Variants in ATXN10 observed in about 807,000 individuals in gnomAD.
The protein encoded by ATXN10 is ataxin-10.
A neutral mutation model predicts 52.9 loss-of-function variants in ATXN10; 28 were observed. The ratio of observed to expected loss-of-function variants is 0.53; its 90% CI spans 0.39 to 0.73. The LOEUF is 0.73. Ranked by LOEUF, ATXN10 falls within the 30% of genes least tolerant of loss-of-function variation. The pLI, the probability that ATXN10 is intolerant of heterozygous loss-of-function variation, is 0.00. For synonymous variants in ATXN10, 226 were observed against 221.5 expected, an observed-to-expected ratio of 1.02 and a Z score of -0.18; for missense variants, 565 against 577.0, an observed-to-expected ratio of 0.98 and a Z score of 0.21.
intron 9 of ATXN10, among the ~76,000 whole-genome samples, chr22:45,767,914 A>G (rs1044333905): frequency 1.3e-5 from 2 of 152,234 alleles, no homozygotes; most frequent in African/African-American, 4.8e-5. Context: ...GTGTATGTGT[A>G]CACACTGTTT....
Position 45,844,714 on chromosome 22 carries a change from A to G in ATXN10, c.*1043A>G, listed in dbSNP as rs1929454686. On this transcript the variant is annotated 3_prime_UTR_variant, in exon 12 of 12. Transcript: ENST00000252934. ...AGGTCACGTTGTGAATGCTTAAAAC[A>G]TATTATTTTCTTCAACAACCATATC... is the stretch of plus-strand genomic sequence containing the variant. 1 of 152,228 alleles carries G rather than the reference A, an allele frequency of 6.6e-6. No individual in the cohort carries two copies. The highest frequency in any genetic ancestry group is 2.4e-5 in the African/African-American group (1 of 41,452). The allele number at this position is 152,228 out of a possible 1,614,324, so 9.4% of individuals were successfully genotyped here.
intron 9 of ATXN10, among the ~76,000 whole-genome samples, chr22:45,776,822 A>C (rs930051064): frequency 1.2e-4 from 19 of 152,282 alleles, no homozygotes; most frequent in African/African-American, 4.6e-4. Context: ...AAGCATTGGT[A>C]TTCTAATTAA....
rs1569046306 is a variant in ATXN10 at position 45,744,788 on chromosome 22, T to C, written c.1173+4250T>C. 2.6e-5 allele frequency: 4 copies of C among 152,342 alleles called. No homozygotes were observed. In the East Asian group the frequency reaches 5.8e-4, roughly 22 times the overall value. 9.4% of individuals were successfully genotyped at this position (152,342 alleles called of 1,614,324 possible). A position where few individuals can be genotyped will look rare whatever the true frequency, so the allele number is the denominator to read the frequency against. On this transcript the variant is annotated intron_variant, in intron 9 of 11. Transcript: ENST00000252934. The surrounding 1 kb of genome is among the most constrained non-coding windows in gnomAD (Gnocchi z 4.9). ...GGATGGTCATCTTTCTTTGAGATAC[T>C]TGTCTTTGGGCAAGATTTAAGAGAA... is the stretch of plus-strand genomic sequence containing the variant.
In ATXN10 at chr22:45,769,558, A is replaced by G. The variant is rs1926703587; in HGVS notation, c.1173+29020A>G. On this transcript the variant is annotated intron_variant, in intron 9 of 11. Transcript: ENST00000252934. The surrounding 1 kb of genome is among the most constrained non-coding windows in gnomAD (Gnocchi z 4.2). ...GCGATGAAGAGACTATTTCAAAGGA[A>G]TGAATTACACCAGCAGAGGTACAGA... Among the ~76,000 whole-genome samples, 2 of 152,160 alleles carry G rather than the reference A, an allele frequency of 1.3e-5. No individual in the cohort carries two copies. The highest frequency in any genetic ancestry group is 6.5e-5 in the Admixed American group (1 of 15,280).
rs553678584 is a variant in ATXN10 at position 45,788,146 on chromosome 22, T to C, written c.1174-18813T>C. ...TATGCAGATGACAGCAGAATGCCTG[T>C]TGAGCCCAGACATGTCCCTGGGGCT... On this transcript the variant is annotated intron_variant, in intron 9 of 11. Coordinates refer to ENST00000252934, the MANE Select transcript of ATXN10 (RefSeq NM_013236.4). Among the ~76,000 whole-genome samples the C allele has an allele frequency of 2.0e-4, 31 of 152,310 alleles. 1 individual carries two copies. In the South Asian group the frequency reaches 6.4e-3, roughly 32 times the overall value.
In ATXN10 at chr22:45,837,303, A is replaced by T. The variant is rs1023461999; in HGVS notation, c.1238-5688A>T. Reference sequence around the variant, plus strand: ...GAGACAGAGTCTTGCTCTGTCGCCCAGGCTGCAGTGCAGTGGCGCAATCTC... The same window carrying T: ...GAGACAGAGTCTTGCTCTGTCGCCCTGGCTGCAGTGCAGTGGCGCAATCTC... On this transcript the variant is annotated intron_variant, in intron 10 of 11. Coordinates refer to ENST00000252934, the MANE Select transcript of ATXN10 (RefSeq NM_013236.4). The surrounding 1 kb of genome is among the most constrained non-coding windows in gnomAD (Gnocchi z 5.8). Among the ~76,000 whole-genome samples the T allele has an allele frequency of 6.6e-6, 1 of 152,140 alleles. No individual in the cohort carries two copies. Among genetic ancestry groups the T allele is most frequent in the Admixed American group, 6.5e-5 (1 of 15,280 alleles).
chr22:45,723,646 G>C (rs190198879), intron 6 of ATXN10, among the ~76,000 whole-genome samples: 1 of 152,224 alleles, frequency 6.6e-6, no homozygotes, highest in Admixed American at 6.5e-5. Context: ...TTCCATTTCT[G>C]AGTTCTTCAC....
chr22:45,729,279 T>G lies in ATXN10; in HGVS notation c.729-146T>G, dbSNP rs532419065. 1.1e-5 allele frequency: 9 copies of G among 785,130 alleles called. No homozygotes were observed. In the East Asian group the frequency reaches 2.4e-4, roughly 21 times the overall value. 48.6% of individuals were successfully genotyped at this position (785,130 alleles called of 1,614,324 possible). ...ATAGGTGATTGATGAAGATTAACTT[T>G]ATTCATGTTTTTCCTAGCTAGACAT... On this transcript the variant is annotated intron_variant, in intron 6 of 11. Transcript: ENST00000252934.
rs1926580989 is a variant in ATXN10, at chr22:45,766,355, C to G, written c.1173+25817C>G. ...GCGAGGGATCTAGGTTGCAAGCTGTCTATGAGAATCTAATGCCTAATGATC... is the reference window on the plus strand; with the variant it reads ...GCGAGGGATCTAGGTTGCAAGCTGTGTATGAGAATCTAATGCCTAATGATC... On this transcript the variant is annotated intron_variant, in intron 9 of 11. Transcript: ENST00000252934. This position sits in a 1 kb window ranked among gnomAD's most constrained non-coding sequence, Gnocchi z 4.6. Among the ~76,000 whole-genome samples the G allele has an allele frequency of 6.6e-6, 1 of 152,122 alleles. No homozygotes were observed. Among genetic ancestry groups the G allele is most frequent in the African/African-American group, 2.4e-5 (1 of 41,436 alleles).
At position 45,696,292 on chromosome 22, in the gene ATXN10, T is replaced by C. The variant is rs2146746557; in HGVS notation, c.391+3214T>C. On this transcript the variant is annotated intron_variant, in intron 3 of 11. Coordinates refer to ENST00000252934, the MANE Select transcript of ATXN10 (RefSeq NM_013236.4). This position sits in a 1 kb window ranked among gnomAD's most constrained non-coding sequence, Gnocchi z 4.7. ...ACTTGGAAGGGCAGCTATTTTGAGGTCTCTGTGTGGTATAGTAATTGAGAA... is the reference window on the plus strand; with the variant it reads ...ACTTGGAAGGGCAGCTATTTTGAGGCCTCTGTGTGGTATAGTAATTGAGAA... 6.6e-6 allele frequency among the ~76,000 whole-genome samples: 1 copy of C among 152,336 alleles called. No homozygotes were observed. The highest frequency in any genetic ancestry group is 2.4e-5 in the African/African-American group (1 of 41,580).
chr22:45,762,248 G>A lies in ATXN10; in HGVS notation c.1173+21710G>A, dbSNP rs1219495024. ...TTTGTCTGTTTCCCCTGACCAGCGT[G>A]CGTTTCTTTCTGGAGGCGCAGGGAC... On this transcript the variant is annotated intron_variant, in intron 9 of 11. Coordinates refer to ENST00000252934, the MANE Select transcript of ATXN10 (RefSeq NM_013236.4). The surrounding 1 kb of genome is among the most constrained non-coding windows in gnomAD (Gnocchi z 4.3). Among the ~76,000 whole-genome samples, 1 of 152,184 alleles carries A rather than the reference G, an allele frequency of 6.6e-6. No individual in the cohort carries two copies. The highest frequency in any genetic ancestry group is 2.4e-5 in the African/African-American group (1 of 41,460).
intron 9 of ATXN10, among the ~76,000 whole-genome samples, chr22:45,798,868 C>G (rs965228915): frequency 1.3e-5 from 2 of 151,976 alleles, no homozygotes; most frequent in African/African-American, 4.8e-5. Flanking sequence ...AATTTAAATG[C>G]CACATACAAT....
Position 45,824,968 on chromosome 22 carries a change from CAAG to C in ATXN10, c.1237+17950_1237+17952del, listed in dbSNP as rs1448151395. On this transcript the variant is annotated intron_variant, in intron 10 of 11. Transcript: ENST00000252934. This position sits in a 1 kb window ranked among gnomAD's most constrained non-coding sequence, Gnocchi z 5.2. ...GTCCACTGAAGTCTTGCAATGTCCACAAGAAGGCTTGAATGGTAAAGTGGAGTT... is the reference window on the plus strand; with the variant it reads ...GTCCACTGAAGTCTTGCAATGTCCACAAGGCTTGAATGGTAAAGTGGAGTT... Among the ~76,000 whole-genome samples, 2 of 152,230 alleles carry C rather than the reference CAAG, an allele frequency of 1.3e-5. No individual in the cohort carries two copies. The highest frequency in any genetic ancestry group is 2.9e-5 in the Non-Finnish European group (2 of 68,042).
chr22:45,752,413 A>T (rs981227203), intron 9 of ATXN10, among the ~76,000 whole-genome samples: 1 of 152,212 alleles, frequency 6.6e-6, no homozygotes, highest in Non-Finnish European at 1.5e-5. Flanking sequence ...CTTCAGGAAG[A>T]ACCTCCTGGA....
chr22:45,681,710 C>T lies in ATXN10; in HGVS notation c.117-8002C>T, dbSNP rs953823754. ...GCCGTGCAGACTGCTCTCACTTTAA[C>T]TTGCTGATCACTAACTAACGTGGCC... is the stretch of plus-strand genomic sequence containing the variant. On this transcript the variant is annotated intron_variant, in intron 1 of 11. Coordinates refer to ENST00000252934, the MANE Select transcript of ATXN10 (RefSeq NM_013236.4). This position sits in a 1 kb window ranked among gnomAD's most constrained non-coding sequence, Gnocchi z 4.2. 4.6e-5 allele frequency among the ~76,000 whole-genome samples: 7 copies of T among 152,214 alleles called. No individual in the cohort carries two copies. The highest frequency in any genetic ancestry group is 8.8e-5 in the Non-Finnish European group (6 of 68,046).
rs1207410914 is a variant in ATXN10, at chr22:45,774,172, G to T, written c.1174-32787G>T. Among the ~76,000 whole-genome samples, 1 of 152,226 alleles carries T rather than the reference G, an allele frequency of 6.6e-6. No homozygotes were observed. The highest frequency in any genetic ancestry group is 2.4e-5 in the African/African-American group (1 of 41,462). ...GACAGCCTGCTAATGTCTGGGGGTG[G>T]CCCTGCCTTAGTAGGCATGGTGGGG... is the stretch of plus-strand genomic sequence containing the variant. On this transcript the variant is annotated intron_variant, in intron 9 of 11. Coordinates refer to ENST00000252934, the MANE Select transcript of ATXN10 (RefSeq NM_013236.4). The surrounding 1 kb of genome is among the most constrained non-coding windows in gnomAD (Gnocchi z 6.2).
rs11703572 is a variant in ATXN10 at position 45,728,832 on chromosome 22, A to G, written c.729-593A>G. 0.099 allele frequency among the ~76,000 whole-genome samples: 15,071 copies of G among 152,236 alleles called. 872 individuals carry two copies. The highest frequency in any genetic ancestry group is 0.17 in the Middle Eastern group (49 of 294). On this transcript the variant is annotated intron_variant, in intron 6 of 11. Transcript: ENST00000252934. This position sits in a 1 kb window ranked among gnomAD's most constrained non-coding sequence, Gnocchi z 4.3. Reference sequence around the variant, plus strand: ...ATTTGTGTTTGTGTAAACTAAAATAAATAGTAAAGTTTCACAGTAAAGACT... The same window carrying G: ...ATTTGTGTTTGTGTAAACTAAAATAGATAGTAAAGTTTCACAGTAAAGACT...
rs1332748284 is a variant in ATXN10 at position 45,842,771 on chromosome 22, A to G, written c.1238-220A>G. ...CTCTGGGTGCCCGTGGCTGGACATCACACACACATGCTGGATGTACATGTG... is the reference window on the plus strand; with the variant it reads ...CTCTGGGTGCCCGTGGCTGGACATCGCACACACATGCTGGATGTACATGTG... On this transcript the variant is annotated intron_variant, in intron 10 of 11. Transcript: ENST00000252934. This position sits in a 1 kb window ranked among gnomAD's most constrained non-coding sequence, Gnocchi z 4.8. Among the ~76,000 whole-genome samples the G allele has an allele frequency of 1.3e-5, 2 of 152,134 alleles. No homozygotes were observed. The highest frequency in any genetic ancestry group is 4.8e-5 in the African/African-American group (2 of 41,408).
At position 45,835,751 on chromosome 22, in the gene ATXN10, G is replaced by C. The variant is rs1446627012; in HGVS notation, c.1238-7240G>C. On this transcript the variant is annotated intron_variant, in intron 10 of 11. Coordinates refer to ENST00000252934, the MANE Select transcript of ATXN10 (RefSeq NM_013236.4). This position sits in a 1 kb window ranked among gnomAD's most constrained non-coding sequence, Gnocchi z 5.0. The stretch of plus-strand genomic sequence containing the variant: ...AAGACTGAAACTGCTCTTTCTTATA[G>C]TGTGTATTAAATGCAAATCTTACTC... Among the ~76,000 whole-genome samples the C allele has an allele frequency of 6.6e-6, 1 of 152,180 alleles. No homozygotes were observed. The highest frequency in any genetic ancestry group is 1.5e-5 in the Non-Finnish European group (1 of 68,040).
Sources: gnomAD v4.1 joint callset for allele counts (sites outside exome capture counted in the v4.1 genomes callset) on GRCh38, gnomAD v4.1.1 for gene constraint, Gnocchi (gnomAD v3.1) non-coding constraint, MANE v1.5 for transcripts, NCBI Gene and HGNC (gene_info 2026-07-23, HGNC 2026-07-21) for gene names.